BICC1: variants seen among roughly 807,000 people sequenced by gnomAD.
BICC1 encodes protein bicaudal C homolog 1.
In BICC1, 43 loss-of-function variants were observed where a neutral mutation model predicts 111.0. The ratio of observed to expected loss-of-function variants is 0.39; its 90% CI spans 0.30 to 0.50. BICC1 has a LOEUF of 0.50. Among genes scored for constraint, BICC1 ranks in the 20% least tolerant of loss-of-function variants. BICC1 has a pLI of 0.88. For synonymous variants in BICC1, 467 were observed against 434.4 expected (o/e 1.07, Z -0.93); for missense variants, 1,091 against 1,203.2 (o/e 0.91, Z 1.38).
intron 3 of BICC1, among the ~76,000 whole-genome samples, chr10:58,758,029 T>C (rs1330302008): frequency 5.9e-5 from 9 of 152,162 alleles, no homozygotes. Flanking sequence ...CATAACATAC[T>C]GACACTTAAC....
chr10:58,583,488 GTTACT>G (rs1453245904), intron 1 of BICC1, among the ~76,000 whole-genome samples: 1 of 151,816 alleles, frequency 6.6e-6, no homozygotes, highest in Non-Finnish European at 1.5e-5. Flanking sequence ...CCATTCTTGA[GTTACT>G]TTACTTAGAA....
At chr10:58,514,035 T>G (rs1263088891) in intron 1 of BICC1, among the ~76,000 whole-genome samples, 2 of 152,242 alleles carry the variant, frequency 1.3e-5, no homozygotes, top group Non-Finnish European at 2.9e-5. Context: ...ACTTTGTCTT[T>G]CACAACTTAG....
At chr10:58,667,613 G>A (rs973975456) in intron 2 of BICC1, among the ~76,000 whole-genome samples, 7 of 151,976 alleles carry the variant, frequency 4.6e-5, no homozygotes, top group Admixed American at 2.6e-4. Flanking sequence ...AAAGAACAGT[G>A]AAATTGGATA....
intron 18 of BICC1, among the ~76,000 whole-genome samples, chr10:58,815,943 C>T (rs373267195): frequency 6.6e-6 from 1 of 152,072 alleles, no homozygotes; most frequent in Non-Finnish European, 1.5e-5. Flanking sequence ...TCCCACTAGG[C>T]TCATTTCAGG....
At chr10:58,515,599 G>A (rs908630271) in intron 1 of BICC1, among the ~76,000 whole-genome samples, 5 of 152,078 alleles carry the variant, frequency 3.3e-5, no homozygotes, top group Non-Finnish European at 5.9e-5. Flanking sequence ...ATAATCTTAC[G>A]GGACCATTGT....
chr10:58,815,089 G>A (rs1844046539), intron 18 of BICC1, among the ~76,000 whole-genome samples: 1 of 130,276 alleles, frequency 7.7e-6, no homozygotes, highest in African/African-American at 2.6e-5. Context: ...CACAAGATAT[G>A]CCCCAATGCC....
At position 58,817,676 on chromosome 10, in the gene BICC1, G is replaced by C. The variant is rs1844137152; in HGVS notation, c.2648G>C (p.Ser883Thr). Residue 883 changes from serine to threonine, a missense_variant, in exon 19 of 21, where the codon AGC becomes ACC. By Grantham distance (58) the Ser-to-Thr change is moderately conservative. Around this residue, in one of 3 missense-constraint regions of BICC1, gnomAD observed 231 missense variants for 256.2 expected, o/e 0.90. Transcript: ENST00000373886. The stretch of plus-strand genomic sequence containing the variant: ...GGTTCTGACCTCCCTGAGCTCTTCA[G>C]CAAACTGGGCCTGGGCAAATACACA... ...FKGSDLPELF[S>T]KLGLGKYTDV... 1.9e-6 allele frequency: 3 copies of C among 1,613,364 alleles called. No homozygotes were observed. Among genetic ancestry groups the C allele is most frequent in the Non-Finnish European group, 2.5e-6 (3 of 1,179,584 alleles).
chr10:58,517,013 T>C (rs540240534), intron 1 of BICC1, among the ~76,000 whole-genome samples: 15 of 152,180 alleles, frequency 9.9e-5, no homozygotes, highest in Non-Finnish European at 1.2e-4. Context: ...TTAAAGTATT[T>C]TTCTTTGTAA....
At chr10:58,720,014 T>C (rs537599323) in intron 3 of BICC1, among the ~76,000 whole-genome samples, 18 of 152,320 alleles carry the variant, frequency 1.2e-4, no homozygotes, top group African/African-American at 4.1e-4. Flanking sequence ...CCCTCTCTTA[T>C]GACTGACATG....
At chr10:58,692,570 C>T (rs1205041685) in intron 2 of BICC1, among the ~76,000 whole-genome samples, 1 of 152,152 alleles carries the variant, frequency 6.6e-6, no homozygotes. Flanking sequence ...ATTCAGTACA[C>T]TCTATTTAAA....
chr10:58,525,511 A>G (rs1024791026), intron 1 of BICC1, among the ~76,000 whole-genome samples: 20 of 131,576 alleles, frequency 1.5e-4, no homozygotes, highest in African/African-American at 5.3e-4. Flanking sequence ...GAATTGAACA[A>G]TGAGAACACG....
chr10:58,727,810 C>G (rs1307117291), intron 3 of BICC1, among the ~76,000 whole-genome samples: 1 of 152,150 alleles, frequency 6.6e-6, no homozygotes, highest in Non-Finnish European at 1.5e-5. Flanking sequence ...AGGTTTAGTT[C>G]CAGACTACCT....
At chr10:58,642,879 T>C (rs1225409187) in intron 2 of BICC1, among the ~76,000 whole-genome samples, 3 of 152,038 alleles carry the variant, frequency 2.0e-5, no homozygotes, top group Non-Finnish European at 2.9e-5. Context: ...TAATTTTTTT[T>C]ACTATTTTTG....
chr10:58,631,274 CCTCT>C (rs1327436915), intron 2 of BICC1, among the ~76,000 whole-genome samples: 3 of 152,010 alleles, frequency 2.0e-5, no homozygotes, highest in South Asian at 4.2e-4. Context: ...TTACTCTATG[CCTCT>C]CTAAGTAACA....
In BICC1 at chr10:58,713,822, C is replaced by T. The variant is rs908368373; in HGVS notation, c.307+11679C>T. 5.3e-5 allele frequency among the ~76,000 whole-genome samples: 8 copies of T among 152,316 alleles called. No homozygotes were observed. The East Asian group carries it at 5.8e-4, about 11-fold the overall frequency. On this transcript the variant is annotated intron_variant, in intron 3 of 20. Coordinates refer to ENST00000373886, the MANE Select transcript of BICC1 (RefSeq NM_001080512.3). The stretch of plus-strand genomic sequence containing the variant: ...CTGTCTTTTAAAAATGTTCAGCCTA[C>T]GTTTATTTTTATTATTCTTGTTCTT...
chr10:58,531,731 G>A (rs761280813), intron 1 of BICC1, among the ~76,000 whole-genome samples: 2 of 151,532 alleles, frequency 1.3e-5, no homozygotes, highest in African/African-American at 2.4e-5. Flanking sequence ...ATCCAAACAG[G>A]AATTCTAAAT....
At chr10:58,785,224 T>C (rs1842976973) in intron 4 of BICC1, 144 bp downstream of exon 4, 1 of 500,492 alleles carries the variant, frequency 2.0e-6, no homozygotes, top group African/African-American at 2.0e-5. Context: ...GATTCTACAG[T>C]GGATGTAAAG....
At chr10:58,788,832 T>TA (rs1438850535) in intron 6 of BICC1, among the ~76,000 whole-genome samples, 4 of 152,204 alleles carry the variant, frequency 2.6e-5, no homozygotes, top group Non-Finnish European at 4.4e-5. Context: ...ACACCTGTAA[T>TA]CCCAGCACTT....
At chr10:58,599,018 G>A (rs1844932953) in intron 1 of BICC1, among the ~76,000 whole-genome samples, 1 of 152,190 alleles carries the variant, frequency 6.6e-6, no homozygotes, top group South Asian at 2.1e-4. Context: ...TGCTGGAGAG[G>A]ATGTGGAGAA....
Sources: allele counts gnomAD v4.1 joint callset (sites outside exome capture counted in the v4.1 genomes callset), GRCh38; gene constraint gnomAD v4.1.1; regional missense constraint gnomAD v4.1.1; transcripts MANE v1.5; gene names NCBI Gene and HGNC (gene_info 2026-07-23, HGNC 2026-07-21).